SMIM7: variants seen among roughly 807,000 people sequenced by gnomAD.
SMIM7 encodes the protein small integral membrane protein 7.
In SMIM7, 12 loss-of-function variants were observed where a neutral mutation model predicts 13.3. The ratio of observed to expected loss-of-function variants is 0.90; its 90% CI spans 0.58 to 1.46. SMIM7 has a LOEUF of 1.46. Ranked by LOEUF, SMIM7 falls within the 40% of genes most tolerant of loss-of-function variation. The pLI, the probability that SMIM7 is intolerant of heterozygous loss-of-function variation, is 0.00. For missense variants in SMIM7, 114 were observed against 94.8 expected (o/e 1.20, Z -0.84); for synonymous variants, 36 against 35.8 (o/e 1.01, Z -0.02).
At chr19:16,639,144 C>T (rs1173967591) in intron 4 of SMIM7, among the ~76,000 whole-genome samples, 9 of 133,454 alleles carry the variant, frequency 6.7e-5, no homozygotes, top group Admixed American at 2.4e-4. Context: ...TTTTTTGAGA[C>T]GGAGTCTTGC....
downstream of SMIM7, chr19:16,645,305 G>A (rs1038713579): frequency 4.6e-5 from 7 of 152,188 alleles, no homozygotes; most frequent in African/African-American, 1.7e-4. Flanking sequence ...ATGGACAAAT[G>A]CCTCGCCTCA....
At chr19:16,656,514 A>G (rs1326241034) in intron 3 of SMIM7, among the ~76,000 whole-genome samples, 1 of 152,098 alleles carries the variant, frequency 6.6e-6, no homozygotes, top group African/African-American at 2.4e-5. Flanking sequence ...TTCACATGTG[A>G]CTGCTCTGGT....
At chr19:16,648,611 G>C (rs139830982) in intron 4 of SMIM7, among the ~76,000 whole-genome samples, 1 of 152,342 alleles carries the variant, frequency 6.6e-6, no homozygotes, top group African/African-American at 2.4e-5. Flanking sequence ...AAAAAGGGCA[G>C]AGAATCTTAA....
At chr19:16,652,484 G>C (rs1257381275) in intron 4 of SMIM7, 2 of 989,380 alleles carry the variant, frequency 2.0e-6, no homozygotes, top group African/African-American at 1.7e-5. Flanking sequence ...TTACAGGCCT[G>C]AGCCACTGCC....
chr19:16,652,093 T>C (rs1441917091), intron 4 of SMIM7, among the ~76,000 whole-genome samples: 1 of 151,750 alleles, frequency 6.6e-6, no homozygotes, highest in Non-Finnish European at 1.5e-5. Context: ...GAGGGAAGAA[T>C]GCTGACTTCT....
In SMIM7 at chr19:16,660,078, T is replaced by C. The variant is rs376969628; in HGVS notation, c.26+7A>G. On this transcript the variant is annotated splice_region_variant and intron_variant, in intron 1 of 4. Coordinates refer to ENST00000487416, the MANE Select transcript of SMIM7 (RefSeq NM_024104.4). ...CTCTCTTCCCAGCCTCTGGTCCCCC[T>C]AATTACCCGAACAGCAGGATGTCTC... 23 of 1,614,070 alleles carry C rather than the reference T, an allele frequency of 1.4e-5. No individual in the cohort carries two copies. Among genetic ancestry groups the C allele is most frequent in the Middle Eastern group, 1.6e-4 (1 of 6,084 alleles).
chr19:16,638,095 T>TA (rs199961444), intron 4 of SMIM7, among the ~76,000 whole-genome samples: 12,835 of 142,910 alleles, frequency 0.09, 798 homozygotes, highest in East Asian at 0.29. Flanking sequence ...CCACCTCTAC[T>TA]AAAAAAAAAA....
chr19:16,655,630 G>C (rs2086587272), intron 3 of SMIM7, among the ~76,000 whole-genome samples: 1 of 138,378 alleles, frequency 7.2e-6, no homozygotes, highest in South Asian at 2.3e-4. Context: ...GCAGTGAGCT[G>C]AGATGGTGTC....
chr19:16,659,476 TTCAATGGGACATAGAGTCC>T (rs1428281094), intron 2 of SMIM7, 29 bp from the exon 3 acceptor site: 1 of 1,607,230 alleles, frequency 6.2e-7, no homozygotes, highest in South Asian at 1.1e-5. Context: ...AGTGTCCACT[TTCAATGGGACATAGAGTCC>T]TCAGCCCCCT....
chr19:16,639,367 C>T (rs1221199693), intron 4 of SMIM7, among the ~76,000 whole-genome samples: 1 of 152,112 alleles, frequency 6.6e-6, no homozygotes, highest in Non-Finnish European at 1.5e-5. Context: ...CATGATCTGC[C>T]CGCCTCCGCC....
At chr19:16,647,950 T>C (rs543166098) in intron 4 of SMIM7, among the ~76,000 whole-genome samples, 19 of 152,300 alleles carry the variant, frequency 1.2e-4, no homozygotes, top group South Asian at 2.1e-4. Context: ...CCCTGCTTTA[T>C]GTCATATAAA....
intron 4 of SMIM7, among the ~76,000 whole-genome samples, chr19:16,648,592 C>T (rs1004258133): frequency 6.6e-6 from 1 of 152,070 alleles, no homozygotes; most frequent in African/African-American, 2.4e-5. Context: ...CAGCAATAAC[C>T]CAATTTTTAA....
chr19:16,633,528 A>G (rs1403152729), intron 4 of SMIM7, among the ~76,000 whole-genome samples: 2 of 151,806 alleles, frequency 1.3e-5, no homozygotes, highest in African/African-American at 4.8e-5. Context: ...TTAAACTTCC[A>G]AAGTAAATTA....
intron 4 of SMIM7, among the ~76,000 whole-genome samples, chr19:16,650,283 C>T (rs1035968602): frequency 1.3e-5 from 2 of 152,168 alleles, no homozygotes; most frequent in Admixed American, 6.5e-5. Flanking sequence ...ACCATTTATC[C>T]GTATTTTTGA....
chr19:16,638,162 G>T (rs1198807057), intron 4 of SMIM7, among the ~76,000 whole-genome samples: 3 of 152,012 alleles, frequency 2.0e-5, no homozygotes, highest in Non-Finnish European at 1.5e-5. Flanking sequence ...AGCTACTCAG[G>T]AGGCTGAGGC....
At chr19:16,645,440 C>G (rs1236390379), downstream of SMIM7, 1 of 152,236 alleles carries the variant, frequency 6.6e-6, no homozygotes, top group East Asian at 1.9e-4. Flanking sequence ...CTCAGCAAAG[C>G]CAGACCCAGC....
downstream of SMIM7, among the ~76,000 whole-genome samples, chr19:16,643,458 C>T (rs887366826): frequency 7.2e-5 from 11 of 152,176 alleles, no homozygotes; most frequent in Non-Finnish European, 1.3e-4. Flanking sequence ...GGCTGAAGTG[C>T]ACCACTCGGC....
At chr19:16,656,014 G>A (rs1195926974) in intron 3 of SMIM7, among the ~76,000 whole-genome samples, 3 of 152,134 alleles carry the variant, frequency 2.0e-5, no homozygotes, top group Non-Finnish European at 2.9e-5. Context: ...TTTGAGAGGC[G>A]CTGCTCAGCA....
intron 4 of SMIM7, chr19:16,634,600 A>G (rs1173998454): frequency 6.6e-6 from 1 of 151,950 alleles, no homozygotes; most frequent in African/African-American, 2.4e-5. Context: ...AACATGGCAA[A>G]ACCCTGTCTG....
Sources: allele counts gnomAD v4.1 joint callset (sites outside exome capture counted in the v4.1 genomes callset), GRCh38; gene constraint gnomAD v4.1.1; transcripts MANE v1.5; gene names NCBI Gene and HGNC (gene_info 2026-07-23, HGNC 2026-07-21).